PLEKHA7: variants seen among roughly 807,000 people sequenced by gnomAD.
PLEKHA7 encodes pleckstrin homology domain-containing family A member 7.
Under a neutral mutation model 170.0 loss-of-function variants are expected in PLEKHA7, and 104 were observed. The observed-to-expected ratio is 0.61, with a 90% CI of 0.52 to 0.72. PLEKHA7 has a LOEUF of 0.72. Ranked by LOEUF, PLEKHA7 falls within the 30% of genes least tolerant of loss-of-function variation. The pLI, the probability that PLEKHA7 is intolerant of heterozygous loss-of-function variation, is 0.00. For synonymous variants in PLEKHA7, 648 were observed against 660.8 expected, an observed-to-expected ratio of 0.98 and a Z score of 0.30; for missense variants, 1,615 against 1,671.7, an observed-to-expected ratio of 0.97 and a Z score of 0.59.
At chr11:16,792,772 A>C (rs1476946600) in intron 19 of PLEKHA7, among the ~76,000 whole-genome samples, 1 of 152,162 alleles carries the variant, frequency 6.6e-6, no homozygotes, top group Non-Finnish European at 1.5e-5. Flanking sequence ...CACAAATATA[A>C]ATGGGTTTTA....
At chr11:16,860,258 A>G (rs998048356) in intron 4 of PLEKHA7, among the ~76,000 whole-genome samples, 1 of 152,208 alleles carries the variant, frequency 6.6e-6, no homozygotes, top group African/African-American at 2.4e-5. Context: ...TGCTTCCTGC[A>G]TATTTGGCAC....
chr11:16,801,935 A>C, intron 15 of PLEKHA7, 118 bp from the exon 16 acceptor site: 1 of 1,282,684 alleles, frequency 7.8e-7, no homozygotes, highest in South Asian at 1.4e-5. Flanking sequence ...ATCAGCGCTG[A>C]GATGTGGGCC....
At chr11:16,826,616 T>C (rs1237469305) in intron 9 of PLEKHA7, 26 bp from the exon 10 acceptor site, 2 of 1,586,310 alleles carry the variant, frequency 1.3e-6, no homozygotes, top group Non-Finnish European at 1.7e-6. Flanking sequence ...CACATTCAGT[T>C]TGCTCCACAG....
intron 3 of PLEKHA7, among the ~76,000 whole-genome samples, chr11:16,891,745 T>C (rs10766354): frequency 0.46 from 69,745 of 152,014 alleles, 16,647 homozygotes; most frequent in Non-Finnish European, 0.54. Flanking sequence ...CTAGGAATCA[T>C]ACCTGCAGGC....
At chr11:17,008,421 C>T (rs534257887) in intron 3 of PLEKHA7, among the ~76,000 whole-genome samples, 3 of 152,254 alleles carry the variant, frequency 2.0e-5, no homozygotes, top group East Asian at 3.9e-4. Context: ...CAGCTTCCTG[C>T]TTTGAGCATT....
intron 23 of PLEKHA7, chr11:16,788,874 G>T: frequency 1.6e-6 from 1 of 611,644 alleles, no homozygotes; most frequent in Non-Finnish European, 2.8e-6. Flanking sequence ...TCAGGCTCCT[G>T]GGCCTGTTTG....
chr11:17,005,708 TCTTAAAGACGTTTC>T (rs1368905507), intron 3 of PLEKHA7, among the ~76,000 whole-genome samples: 1 of 152,222 alleles, frequency 6.6e-6, no homozygotes, highest in Non-Finnish European at 1.5e-5. Flanking sequence ...CAACCATTTT[TCTTAAAGACGTTTC>T]CTTAAAGAAG....
intron 9 of PLEKHA7, among the ~76,000 whole-genome samples, chr11:16,837,396 C>T (rs532305663): frequency 4.6e-5 from 7 of 152,270 alleles, no homozygotes; most frequent in African/African-American, 1.7e-4. Context: ...AGTTCAATCT[C>T]GTTCTCAAAT....
At chr11:16,797,087 T>A (rs1004273194) in intron 17 of PLEKHA7, among the ~76,000 whole-genome samples, 2 of 152,174 alleles carry the variant, frequency 1.3e-5, no homozygotes, top group African/African-American at 4.8e-5. Flanking sequence ...AAAAAATACA[T>A]ATCTACATAC....
chr11:16,988,946 C>G (rs1473875620), intron 3 of PLEKHA7, among the ~76,000 whole-genome samples: 2 of 152,172 alleles, frequency 1.3e-5, no homozygotes, highest in Non-Finnish European at 2.9e-5. Context: ...TGTAAAATAC[C>G]CCCAGTTCAT....
At chr11:16,880,801 A>C (rs1224701984) in intron 3 of PLEKHA7, among the ~76,000 whole-genome samples, 1 of 152,200 alleles carries the variant, frequency 6.6e-6, no homozygotes, top group Non-Finnish European at 1.5e-5. Flanking sequence ...ACCCAGTTTT[A>C]TGCTTCCATT....
intron 3 of PLEKHA7, among the ~76,000 whole-genome samples, chr11:16,952,299 G>A (rs1300768592): frequency 6.6e-6 from 1 of 152,168 alleles, no homozygotes; most frequent in African/African-American, 2.4e-5. Context: ...GGGAAAGGGA[G>A]GTGATCCTAT....
intron 3 of PLEKHA7, among the ~76,000 whole-genome samples, chr11:16,949,375 G>A (rs1417260990): frequency 6.6e-6 from 1 of 152,198 alleles, no homozygotes; most frequent in African/African-American, 2.4e-5. Context: ...TATTGTCCAT[G>A]AAACCAGGAG....
intron 3 of PLEKHA7, among the ~76,000 whole-genome samples, chr11:16,957,599 T>C (rs747561511): frequency 2.0e-5 from 3 of 152,116 alleles, no homozygotes; most frequent in Non-Finnish European, 2.9e-5. Context: ...ACAGAGATGA[T>C]GGTTGTAAAA....
intron 8 of PLEKHA7, among the ~76,000 whole-genome samples, chr11:16,844,723 C>G (rs905530785): frequency 2.6e-5 from 4 of 152,166 alleles, no homozygotes; most frequent in African/African-American, 9.7e-5. Context: ...GCTGTTGGAC[C>G]TCAGTTCTAG....
intron 12 of PLEKHA7, among the ~76,000 whole-genome samples, chr11:16,813,587 C>T (rs1467993994): frequency 6.6e-6 from 1 of 152,194 alleles, no homozygotes; most frequent in Admixed American, 6.5e-5. Flanking sequence ...ACTTCACATG[C>T]ATGAAGATGA....
rs192236395 is a variant in PLEKHA7 at position 16,947,772 on chromosome 11, C to T, written c.221+66217G>A. Reference sequence around the variant, plus strand: ...CTCTACTAATACACAAAAAATTAGCCGGGCTTGGTGGCGCATGCCTGTATT... The same window carrying T: ...CTCTACTAATACACAAAAAATTAGCTGGGCTTGGTGGCGCATGCCTGTATT... On this transcript the variant is annotated intron_variant, in intron 3 of 26. Coordinates refer to ENST00000531066, the MANE Select transcript of PLEKHA7 (RefSeq NM_001329630.2). Among the ~76,000 whole-genome samples the T allele has an allele frequency of 2.0e-4, 30 of 151,272 alleles. No individual in the cohort carries two copies. In the East Asian group the frequency reaches 5.5e-3, roughly 28 times the overall value.
intron 3 of PLEKHA7, among the ~76,000 whole-genome samples, chr11:16,943,639 G>A (rs923413455): frequency 6.6e-6 from 1 of 152,182 alleles, no homozygotes; most frequent in South Asian, 2.1e-4. Context: ...GGAATGGGAA[G>A]GAGGGATTAT....
intron 3 of PLEKHA7, among the ~76,000 whole-genome samples, chr11:16,900,716 A>T (rs182311649): frequency 6.6e-6 from 1 of 152,292 alleles, no homozygotes; most frequent in Admixed American, 6.5e-5. Flanking sequence ...GAATGGCTCA[A>T]TTCCAACATC....
Sources: allele counts gnomAD v4.1 joint callset (sites outside exome capture counted in the v4.1 genomes callset), GRCh38; gene constraint gnomAD v4.1.1; transcripts MANE v1.5; gene names NCBI Gene and HGNC (gene_info 2026-07-23, HGNC 2026-07-21).